Variants in PRKG1 observed in about 807,000 individuals in gnomAD.
PRKG1 encodes protein kinase cGMP-dependent 1.
A neutral mutation model predicts 88.1 loss-of-function variants in PRKG1; 35 were observed. That is an observed-to-expected ratio of 0.40 (90% CI 0.30 to 0.53). The LOEUF (loss-of-function observed/expected upper bound fraction) is 0.53. Ranked by LOEUF, PRKG1 falls within the 20% of genes least tolerant of loss-of-function variation. The probability of loss-of-function intolerance (pLI) is 0.59; values close to 1 mark genes in which losing one functional copy is unlikely to be tolerated. For missense variants in PRKG1, 540 were observed against 839.8 expected, an observed-to-expected ratio of 0.64 and a Z score of 4.41; for synonymous variants, 303 against 292.5, an observed-to-expected ratio of 1.04 and a Z score of -0.37.
chr10:52,073,856 C>T (rs1846564873), intron 7 of PRKG1, among the ~76,000 whole-genome samples: 1 of 152,212 alleles, frequency 6.6e-6, no homozygotes, highest in Non-Finnish European at 1.5e-5. Context: ...ATTATACACA[C>T]ATGCAACCTC....
At chr10:51,292,371 G>A (rs1307827659) in intron 2 of PRKG1, among the ~76,000 whole-genome samples, 1 of 152,116 alleles carries the variant, frequency 6.6e-6, no homozygotes, top group African/African-American at 2.4e-5. Flanking sequence ...CACAGAATGG[G>A]TGAGACTTGT....
chr10:51,355,197 T>C (rs1240268906), intron 2 of PRKG1, among the ~76,000 whole-genome samples: 2 of 152,112 alleles, frequency 1.3e-5, no homozygotes, highest in Admixed American at 6.6e-5. Flanking sequence ...GCTTTATTAC[T>C]ATTGTTATTT....
At chr10:51,490,903 A>G (rs1840692564) in intron 3 of PRKG1, among the ~76,000 whole-genome samples, 1 of 152,100 alleles carries the variant, frequency 6.6e-6, no homozygotes, top group Non-Finnish European at 1.5e-5. Context: ...TTTGAGATGC[A>G]TCAAAGAAAC....
chr10:51,180,956 A>G (rs1225545058), intron 2 of PRKG1, among the ~76,000 whole-genome samples: 1 of 152,158 alleles, frequency 6.6e-6, no homozygotes, highest in Non-Finnish European at 1.5e-5. Context: ...TCTTTGATAC[A>G]TCTATTTTAT....
At chr10:51,968,202 A>G (rs1843619230) in intron 5 of PRKG1, among the ~76,000 whole-genome samples, 1 of 152,160 alleles carries the variant, frequency 6.6e-6, no homozygotes, top group South Asian at 2.1e-4. Flanking sequence ...GCCTTTTAAC[A>G]TTATTCACGC....
chr10:51,848,830 G>C (rs546974082), intron 4 of PRKG1, among the ~76,000 whole-genome samples: 14 of 150,786 alleles, frequency 9.3e-5, no homozygotes, highest in Admixed American at 7.9e-4. Flanking sequence ...CTTAAGCAAA[G>C]AGTCTATGGT....
intron 2 of PRKG1, among the ~76,000 whole-genome samples, chr10:51,254,861 G>A (rs1251888778): frequency 1.3e-5 from 2 of 152,058 alleles, no homozygotes; most frequent in East Asian, 3.9e-4. Flanking sequence ...TATGCTCTTT[G>A]GCCCAGATTA....
chr10:51,473,755 A>ATT (rs34322474), intron 3 of PRKG1, among the ~76,000 whole-genome samples: 12,505 of 148,068 alleles, frequency 0.084, 873 homozygotes, highest in African/African-American at 0.19. Context: ...AGAAACACTG[A>ATT]TTTTTTTTTT....
intron 9 of PRKG1, among the ~76,000 whole-genome samples, chr10:52,220,491 T>A (rs1840217400): frequency 6.6e-6 from 1 of 151,996 alleles, no homozygotes; most frequent in Non-Finnish European, 1.5e-5. Context: ...TGGGGGTATG[T>A]CGTACAGATT....
intron 3 of PRKG1, among the ~76,000 whole-genome samples, chr10:51,487,161 T>TAAAAG (rs961908164): frequency 6.6e-6 from 1 of 152,146 alleles, no homozygotes; most frequent in Non-Finnish European, 1.5e-5. Context: ...TTCAAGACAT[T>TAAAAG]AAAAGAAAAT....
intron 3 of PRKG1, among the ~76,000 whole-genome samples, chr10:51,754,022 C>G (rs1837794616): frequency 6.6e-6 from 1 of 151,996 alleles, no homozygotes; most frequent in Non-Finnish European, 1.5e-5. Context: ...ACTCTTGAAT[C>G]CTGGATGGGA....
intron 3 of PRKG1, among the ~76,000 whole-genome samples, chr10:51,786,362 A>C (rs1171653858): frequency 6.6e-6 from 1 of 151,830 alleles, no homozygotes; most frequent in Non-Finnish European, 1.5e-5. Context: ...GGACTCAATA[A>C]AAGGAAATAA....
chr10:51,323,429 A>G (rs1187783726), intron 2 of PRKG1, among the ~76,000 whole-genome samples: 1 of 152,176 alleles, frequency 6.6e-6, no homozygotes, highest in Non-Finnish European at 1.5e-5. Context: ...TCAGACTCTA[A>G]TAATTTCCAG....
intron 2 of PRKG1, among the ~76,000 whole-genome samples, chr10:51,184,919 A>T (rs1017871559): frequency 1.3e-5 from 2 of 152,126 alleles, no homozygotes; most frequent in African/African-American, 4.8e-5. Flanking sequence ...AAACCTAGTG[A>T]CAGCAGGTAT....
At chr10:51,095,097 C>T (rs865931894) in intron 1 of PRKG1, among the ~76,000 whole-genome samples, 29 of 152,076 alleles carry the variant, frequency 1.9e-4, no homozygotes, top group African/African-American at 5.8e-4. Context: ...AAATGTACCC[C>T]CTTCATTATA....
At chr10:51,658,883 AG>A (rs774438206) in intron 3 of PRKG1, among the ~76,000 whole-genome samples, 31 of 152,032 alleles carry the variant, frequency 2.0e-4, no homozygotes, top group Non-Finnish European at 3.7e-4. Flanking sequence ...AAAATACTTA[AG>A]TTTTTTTTGC....
chr10:52,129,176 G>A (rs1025517232), intron 7 of PRKG1, among the ~76,000 whole-genome samples: 1 of 152,070 alleles, frequency 6.6e-6, no homozygotes, highest in Non-Finnish European at 1.5e-5. Flanking sequence ...TGAAATGCCC[G>A]CTAACTTGGT....
intron 1 of PRKG1, among the ~76,000 whole-genome samples, chr10:51,080,277 A>G (rs372989276): frequency 6.6e-6 from 1 of 152,218 alleles, no homozygotes; most frequent in Non-Finnish European, 1.5e-5. Context: ...GAATGGCTCT[A>G]CTACCTGCCT....
At chr10:51,020,900 A>G (rs1046660155) in intron 1 of PRKG1, among the ~76,000 whole-genome samples, 2 of 152,246 alleles carry the variant, frequency 1.3e-5, no homozygotes, top group East Asian at 3.8e-4. Flanking sequence ...ATTAAATGTT[A>G]TTAAGATGCA....
Sources: allele counts gnomAD v4.1 joint callset (sites outside exome capture counted in the v4.1 genomes callset), GRCh38; gene constraint gnomAD v4.1.1; transcripts MANE v1.5; gene names NCBI Gene and HGNC (gene_info 2026-07-23, HGNC 2026-07-21).